Variants in GTF3C5 observed in about 807,000 individuals in gnomAD.
GTF3C5 encodes the protein general transcription factor 3C polypeptide 5.
A neutral mutation model predicts 61.0 loss-of-function variants in GTF3C5; 47 were observed. The observed-to-expected ratio is 0.77, with a 90% CI of 0.61 to 0.98. GTF3C5 has a LOEUF of 0.98. GTF3C5 is among the 50% of genes least tolerant of loss of function. GTF3C5 has a pLI of 0.00. For synonymous variants in GTF3C5, 295 were observed against 275.4 expected, an observed-to-expected ratio of 1.07 and a Z score of -0.71; for missense variants, 659 against 703.3, an observed-to-expected ratio of 0.94 and a Z score of 0.71.
intron 1 of GTF3C5, among the ~76,000 whole-genome samples, chr9:133,032,399 C>T (rs979731465): frequency 1.3e-5 from 2 of 151,694 alleles, no homozygotes; most frequent in Admixed American, 1.3e-4. Context: ...CTAGTTTCGG[C>T]GGGAAGGGCA....
chr9:133,051,777 C>T (rs773795729), intron 4 of GTF3C5, among the ~76,000 whole-genome samples: 5 of 152,226 alleles, frequency 3.3e-5, no homozygotes, highest in East Asian at 3.9e-4. Context: ...CTCCCCACCG[C>T]GCTGTGGGCT....
chr9:133,039,322 CTG>C (rs576998492), intron 1 of GTF3C5, among the ~76,000 whole-genome samples: 51 of 152,200 alleles, frequency 3.4e-4, no homozygotes, highest in Non-Finnish European at 6.0e-4. Flanking sequence ...AAAAAATTTA[CTG>C]TCTCTCGTCC....
chr9:133,042,012 T>C (rs1371977657), intron 1 of GTF3C5, 75 bp from the exon 2 acceptor site: 1 of 999,062 alleles, frequency 1.0e-6, no homozygotes, highest in East Asian at 2.4e-5. Flanking sequence ...CAGGCTTTTA[T>C]TGAGAGAGGA....
In GTF3C5 at chr9:133,058,278, A is replaced by G; in HGVS notation, c.*298A>G. ...TGGGCACCCAATGCCTCTCAGGATG[A>G]GACCAGTAAATGCCGGAGGTGGAGC... On this transcript the variant is annotated 3_prime_UTR_variant, in exon 11 of 11. Coordinates refer to ENST00000372097, the MANE Select transcript of GTF3C5 (RefSeq NM_012087.4). 1.8e-6 allele frequency: 1 copy of G among 561,790 alleles called. No homozygotes were observed. The highest frequency in any genetic ancestry group is 2.5e-6 in the Non-Finnish European group (1 of 400,176). The allele number at this position is 561,790 out of a possible 1,614,324, so 34.8% of individuals were successfully genotyped here. A position where few individuals can be genotyped will look rare whatever the true frequency, so the allele number is the denominator to read the frequency against.
chr9:133,054,961 G>T (rs1294784780), intron 8 of GTF3C5, 152 bp downstream of exon 8: 5 of 1,551,506 alleles, frequency 3.2e-6, no homozygotes, highest in Admixed American at 2.0e-5. Context: ...TTCAGACACT[G>T]AGGGTGAGAA....
In GTF3C5 at chr9:133,034,236, C is replaced by T. The variant is rs182383784; in HGVS notation, c.153+3072C>T. Among the ~76,000 whole-genome samples, 37 of 152,198 alleles carry T rather than the reference C, an allele frequency of 2.4e-4. No homozygotes were observed. In the East Asian group the frequency reaches 5.0e-3, roughly 21 times the overall value. On this transcript the variant is annotated intron_variant, in intron 1 of 10. Transcript: ENST00000372097. The stretch of plus-strand genomic sequence containing the variant: ...ATTTAAAGGAGGGGGGTTGGCTGTC[C>T]GCCTCCCATATTGACTGGTCCACCA...
chr9:133,040,959 C>T (rs565963546), intron 1 of GTF3C5, among the ~76,000 whole-genome samples: 4 of 152,278 alleles, frequency 2.6e-5, no homozygotes, highest in South Asian at 2.1e-4. Context: ...TAATAATCCT[C>T]GCTCTATAAT....
intron 9 of GTF3C5, 34 bp downstream of exon 9, chr9:133,056,128 G>A: frequency 6.3e-7 from 1 of 1,581,604 alleles, no homozygotes. Flanking sequence ...ACACTGAGGG[G>A]GGCCCGTGGG....
intron 1 of GTF3C5, among the ~76,000 whole-genome samples, chr9:133,039,287 A>G: frequency 6.6e-6 from 1 of 152,242 alleles, no homozygotes; most frequent in Non-Finnish European, 1.5e-5. Context: ...GCTTATACAT[A>G]TAAAACATTT....
At chr9:133,040,615 CAG>C (rs1179687995) in intron 1 of GTF3C5, among the ~76,000 whole-genome samples, 8 of 152,174 alleles carry the variant, frequency 5.3e-5, no homozygotes. Context: ...AACAGCAAGT[CAG>C]AGCCCAAATG....
Position 133,057,913 on chromosome 9 carries a change from A to G in GTF3C5, c.1493A>G (p.Glu498Gly). The G allele has an allele frequency of 1.2e-6, 2 of 1,613,952 alleles. No homozygotes were observed. Among genetic ancestry groups the G allele is most frequent in the South Asian group, 2.2e-5 (2 of 91,084 alleles). ...GATGAGGAGGAGGAGGAAGAGGAGGAGGAGGACTTCAAGCCATCCGACGGC... is the reference window on the plus strand; with the variant it reads ...GATGAGGAGGAGGAGGAAGAGGAGGGGGAGGACTTCAAGCCATCCGACGGC... ...EEDEEEEEEE[E>G]EDFKPSDGSE... The change falls in exon 11 of 11, where the codon GAG (glutamate) becomes GGG (glycine). Residue 498 changes from glutamate to glycine, a missense_variant. Coordinates refer to ENST00000372097, the MANE Select transcript of GTF3C5 (RefSeq NM_012087.4).
chr9:133,038,608 G>C (rs1352172211), intron 1 of GTF3C5, among the ~76,000 whole-genome samples: 3 of 150,872 alleles, frequency 2.0e-5, no homozygotes, highest in Non-Finnish European at 4.4e-5. Flanking sequence ...CCACCACCAC[G>C]CCCGGCTAAT....
At chr9:133,057,538 T>C (rs1160690407) in intron 10 of GTF3C5, among the ~76,000 whole-genome samples, 1 of 152,092 alleles carries the variant, frequency 6.6e-6, no homozygotes, top group African/African-American at 2.4e-5. Context: ...TAATCAAGGG[T>C]GTGGACCCTT....
At chr9:133,035,305 G>A (rs951662400) in intron 1 of GTF3C5, among the ~76,000 whole-genome samples, 15 of 152,182 alleles carry the variant, frequency 9.9e-5, no homozygotes, top group African/African-American at 3.1e-4. Context: ...CCGACTGGGG[G>A]CATTTCGGTG....
At position 133,047,316 on chromosome 9, in the gene GTF3C5, TACC is replaced by T. The variant is rs376313190; in HGVS notation, c.572+3400_572+3402del. ...CTGTCCCCTAGTCTGTAACATCCTC[TACC>T]ACCACCACCCCCTACTTTTTTCTGA... On this transcript the variant is annotated intron_variant, in intron 3 of 10. Coordinates refer to ENST00000372097, the MANE Select transcript of GTF3C5 (RefSeq NM_012087.4). 1.9e-3 allele frequency among the ~76,000 whole-genome samples: 283 copies of T among 152,232 alleles called. 1 individual carries two copies. The highest frequency in any genetic ancestry group is 6.7e-3 in the African/African-American group (277 of 41,524).
chr9:133,034,670 C>G (rs1165123825), intron 1 of GTF3C5, among the ~76,000 whole-genome samples: 4 of 152,114 alleles, frequency 2.6e-5, no homozygotes. Flanking sequence ...CCTTCCCAAG[C>G]TGGTTCAAGT....
At chr9:133,038,143 C>T (rs2118980785) in intron 1 of GTF3C5, among the ~76,000 whole-genome samples, 1 of 152,150 alleles carries the variant, frequency 6.6e-6, no homozygotes, top group African/African-American at 2.4e-5. Flanking sequence ...CAAGGAGGCG[C>T]AAAGAACAAG....
At chr9:133,041,302 G>A (rs986806720) in intron 1 of GTF3C5, among the ~76,000 whole-genome samples, 3 of 152,218 alleles carry the variant, frequency 2.0e-5, no homozygotes, top group South Asian at 2.1e-4. Context: ...GTTATCCGGG[G>A]GACTGTCTCC....
intron 6 of GTF3C5, 24 bp downstream of exon 6, chr9:133,053,966 T>C (rs1829838308): frequency 1.2e-5 from 16 of 1,323,836 alleles, no homozygotes; most frequent in Non-Finnish European, 1.7e-5. Flanking sequence ...AAAGCTTTGC[T>C]TCCTGCCTTT....
Sources: gnomAD v4.1 joint callset for allele counts (sites outside exome capture counted in the v4.1 genomes callset) on GRCh38, gnomAD v4.1.1 for gene constraint, MANE v1.5 for transcripts, NCBI Gene and HGNC (gene_info 2026-07-23, HGNC 2026-07-21) for gene names.